The following DLG2 variants were observed in gnomAD, a reference collection of about 807,000 sequenced individuals.
The protein encoded by DLG2 is disks large homolog 2.
A neutral mutation model predicts 132.5 loss-of-function variants in DLG2; 45 were observed. That is an observed-to-expected ratio of 0.34 (90% CI 0.27 to 0.44). The LOEUF is 0.44. Among genes scored for constraint, DLG2 ranks in the 20% least tolerant of loss-of-function variants. DLG2 has a pLI of 1.00. For synonymous variants in DLG2, 424 were observed against 419.6 expected (o/e 1.01, Z -0.13); for missense variants, 1,045 against 1,196.9 (o/e 0.87, Z 1.87).
At chr11:85,540,900 A>C (rs758824774) in intron 3 of DLG2, among the ~76,000 whole-genome samples, 4 of 152,242 alleles carry the variant, frequency 2.6e-5, no homozygotes, top group Non-Finnish European at 4.4e-5. Flanking sequence ...GAGGATAAGA[A>C]AACTCCTCCC....
chr11:84,692,738 A>G (rs1032069525), intron 6 of DLG2, among the ~76,000 whole-genome samples: 5 of 151,718 alleles, frequency 3.3e-5, no homozygotes, highest in Non-Finnish European at 7.4e-5. Context: ...ACCAGGCTTC[A>G]CTGGCCACTA....
At chr11:83,592,448 A>G (rs2153324183) in intron 19 of DLG2, among the ~76,000 whole-genome samples, 1 of 150,404 alleles carries the variant, frequency 6.6e-6, no homozygotes, top group South Asian at 2.1e-4. Flanking sequence ...ATATGTAGAA[A>G]GCTGAAACTG....
intron 6 of DLG2, among the ~76,000 whole-genome samples, chr11:85,061,701 C>T (rs528623077): frequency 6.6e-6 from 1 of 151,828 alleles, no homozygotes; most frequent in Non-Finnish European, 1.5e-5. Context: ...TTGTGAACGA[C>T]AAATTCCATC....
chr11:84,533,904 C>CAAAAAA (rs1374423345), intron 7 of DLG2, among the ~76,000 whole-genome samples: 1 of 28,132 alleles, frequency 3.6e-5, no homozygotes, highest in African/African-American at 1.5e-4. Flanking sequence ...GCCAGTTCAG[C>CAAAAAA]CAAAAAAAAA....
chr11:85,249,226 TAAATTTGCCATTAGATTGGA>T (rs2076280818), intron 4 of DLG2, among the ~76,000 whole-genome samples: 1 of 152,036 alleles, frequency 6.6e-6, no homozygotes, highest in Non-Finnish European at 1.5e-5. Flanking sequence ...ATAGGTAATG[TAAATTTGCCATTAGATTGGA>T]AACTAATGAT....
rs150552193 is a variant in DLG2, at chr11:84,834,547, T to C, written c.357+277114A>G. On this transcript the variant is annotated intron_variant, in intron 6 of 27. Coordinates refer to ENST00000376104, the MANE Select transcript of DLG2 (RefSeq NM_001142699.3). ...TATTAGGCAGGCAGAAAAGAACATATTGTGAAAAAAATAAAAATGAATGGT... is the reference window on the plus strand; with the variant it reads ...TATTAGGCAGGCAGAAAAGAACATACTGTGAAAAAAATAAAAATGAATGGT... Among the ~76,000 whole-genome samples, 24 of 151,392 alleles carry C rather than the reference T, an allele frequency of 1.6e-4. No homozygotes were observed. In the East Asian group the frequency reaches 2.9e-3, roughly 19 times the overall value.
chr11:84,557,547 G>A (rs1381911721), intron 6 of DLG2, among the ~76,000 whole-genome samples: 1 of 151,624 alleles, frequency 6.6e-6, no homozygotes, highest in Non-Finnish European at 1.5e-5. Flanking sequence ...TCATATTGTG[G>A]CTATTTTTCT....
At chr11:85,182,719 T>C (rs1422650961) in intron 4 of DLG2, among the ~76,000 whole-genome samples, 4 of 150,914 alleles carry the variant, frequency 2.7e-5, no homozygotes, top group Non-Finnish European at 4.4e-5. Flanking sequence ...AGCTGGGAGA[T>C]AGAAGGGTAG....
intron 6 of DLG2, among the ~76,000 whole-genome samples, chr11:84,829,670 A>C (rs1427556087): frequency 6.6e-6 from 1 of 151,656 alleles, no homozygotes; most frequent in African/African-American, 2.4e-5. Flanking sequence ...TCCCAAAGTT[A>C]ATAATAATTA....
At chr11:84,967,262 A>T (rs573008628) in intron 6 of DLG2, among the ~76,000 whole-genome samples, 1 of 152,124 alleles carries the variant, frequency 6.6e-6, no homozygotes, top group Non-Finnish European at 1.5e-5. Flanking sequence ...AACTTTAAAA[A>T]ACAGGAATTG....
intron 9 of DLG2, among the ~76,000 whole-genome samples, chr11:84,127,704 G>A (rs1445661970): frequency 6.6e-6 from 1 of 152,156 alleles, no homozygotes; most frequent in Non-Finnish European, 1.5e-5. Context: ...AAAGCCCTGG[G>A]ATTACAGGTG....
chr11:84,595,741 C>A (rs1460106943), intron 6 of DLG2, among the ~76,000 whole-genome samples: 1 of 152,120 alleles, frequency 6.6e-6, no homozygotes, highest in Admixed American at 6.6e-5. Context: ...TTCCTTTAAC[C>A]ATAAATAAAG....
At chr11:84,616,449 T>C (rs80199112) in intron 6 of DLG2, among the ~76,000 whole-genome samples, 314 of 152,118 alleles carry the variant, frequency 2.1e-3, no homozygotes, top group African/African-American at 7.3e-3. Context: ...ATGATGAGGG[T>C]ACATTTTAGC....
intron 6 of DLG2, among the ~76,000 whole-genome samples, chr11:84,956,827 T>C (rs2051747424): frequency 6.6e-6 from 1 of 152,160 alleles, no homozygotes; most frequent in South Asian, 2.1e-4. Flanking sequence ...AGTATATGAT[T>C]CTAAAATAAT....
chr11:84,095,287 C>G (rs1005216273), intron 10 of DLG2, among the ~76,000 whole-genome samples: 1 of 152,122 alleles, frequency 6.6e-6, no homozygotes, highest in African/African-American at 2.4e-5. Flanking sequence ...ATGTGCCTGC[C>G]ATAGCTAAGG....
At chr11:84,225,186 T>C (rs2096972910) in intron 8 of DLG2, among the ~76,000 whole-genome samples, 2 of 152,234 alleles carry the variant, frequency 1.3e-5, no homozygotes, top group South Asian at 4.1e-4. Context: ...CACAGTAAAG[T>C]CCCTCAGTGA....
intron 11 of DLG2, among the ~76,000 whole-genome samples, chr11:84,033,679 A>G (rs2095776007): frequency 6.6e-6 from 1 of 152,212 alleles, no homozygotes; most frequent in South Asian, 2.1e-4. Context: ...CACATGCTAC[A>G]AATAAATCTT....
chr11:83,955,557 T>C (rs1400556454), intron 14 of DLG2, among the ~76,000 whole-genome samples: 2 of 152,202 alleles, frequency 1.3e-5, no homozygotes, highest in African/African-American at 4.8e-5. Context: ...CCTGATTGGT[T>C]CTTTCTGGAT....
At chr11:85,319,129 T>A (rs892078082) in intron 3 of DLG2, among the ~76,000 whole-genome samples, 2 of 151,940 alleles carry the variant, frequency 1.3e-5, no homozygotes, top group Middle Eastern at 3.2e-3. Context: ...TACTTCAGGA[T>A]AATGTGAAGC....
Sources: allele counts gnomAD v4.1 joint callset (sites outside exome capture counted in the v4.1 genomes callset), GRCh38; gene constraint gnomAD v4.1.1; transcripts MANE v1.5; gene names NCBI Gene and HGNC (gene_info 2026-07-23, HGNC 2026-07-21).